CACNA1B: variants seen among roughly 807,000 people sequenced by gnomAD.
The protein encoded by CACNA1B is voltage-dependent N-type calcium channel subunit alpha-1B.
CACNA1B carries 70 observed loss-of-function variants against 247.2 expected under a neutral mutation model. That is an observed-to-expected ratio of 0.28 (90% CI 0.23 to 0.35). CACNA1B has a LOEUF of 0.35. Ranked by LOEUF, CACNA1B falls within the 10% of genes least tolerant of loss-of-function variation. The pLI is 1.00. For missense variants in CACNA1B, 2,367 were observed against 3,197.4 expected (o/e 0.74, Z 6.26); for synonymous variants, 1,231 against 1,294.4 (o/e 0.95, Z 1.05).
chr9:138,102,876 C>T lies in CACNA1B; in HGVS notation c.5319+69C>T, dbSNP rs1961299462. ...GCTTGCTGAGGGGTGCTTGCTGGCT[C>T]TCCCAGCTCCTCTCCCTTTCAGGGT... On this transcript the variant is annotated intron_variant, in intron 38 of 46. Coordinates refer to ENST00000371372, the MANE Select transcript of CACNA1B (RefSeq NM_000718.4). This position sits in a 1 kb window ranked among gnomAD's most constrained non-coding sequence, Gnocchi z 5.4. 5 of 908,032 alleles carry T rather than the reference C, an allele frequency of 5.5e-6. No homozygotes were observed. Among genetic ancestry groups the T allele is most frequent in the Non-Finnish European group, 8.6e-6 (5 of 579,462 alleles). The allele number at this position is 908,032 out of a possible 1,614,324, so 56.2% of individuals were successfully genotyped here.
At chr9:138,076,600 G>A (rs1260139617) in intron 35 of CACNA1B, among the ~76,000 whole-genome samples, 1 of 152,208 alleles carries the variant, frequency 6.6e-6, no homozygotes, top group Admixed American at 6.5e-5. Context: ...CTCAGCATCA[G>A]CTGCTGTTCC....
chr9:137,988,572 TA>T lies in CACNA1B; in HGVS notation c.1974+1726del, dbSNP rs1037670526. Among the ~76,000 whole-genome samples the T allele has an allele frequency of 8.8e-4, 133 of 151,146 alleles. 2 individuals are homozygous for T. The highest frequency in any genetic ancestry group is 2.8e-3 in the African/African-American group (116 of 41,006). ...CCCTGCTCTGAACACAGCAATAAGA[TA>T]AAAAAAATACACTTAGAAAATAAAA... is the stretch of plus-strand genomic sequence containing the variant. On this transcript the variant is annotated intron_variant, in intron 15 of 46. Transcript: ENST00000371372.
At chr9:137,958,183 T>C (rs1957971759) in intron 10 of CACNA1B, among the ~76,000 whole-genome samples, 1 of 152,196 alleles carries the variant, frequency 6.6e-6, no homozygotes, top group South Asian at 2.1e-4. Flanking sequence ...ACCATTATAT[T>C]GTTACATGTA....
At chr9:137,924,735 A>G (rs1957531009) in intron 6 of CACNA1B, among the ~76,000 whole-genome samples, 1 of 152,374 alleles carries the variant, frequency 6.6e-6, no homozygotes, top group African/African-American at 2.4e-5. Flanking sequence ...TTTTCAGCAT[A>G]CAATATACAT....
At position 138,057,384 on chromosome 9, in the gene CACNA1B, T is replaced by G. The variant is rs879289407; in HGVS notation, c.3969-348T>G. On this transcript the variant is annotated intron_variant, in intron 26 of 46. Coordinates refer to ENST00000371372, the MANE Select transcript of CACNA1B (RefSeq NM_000718.4). The surrounding 1 kb of genome is among the most constrained non-coding windows in gnomAD (Gnocchi z 4.0). ...CTGAGCACAGAAGTGTCCGATTTGA[T>G]GCGGCCTGATTTATCTGTATTTTTT... 1.3e-5 allele frequency among the ~76,000 whole-genome samples: 2 copies of G among 152,238 alleles called. No homozygotes were observed. The highest frequency in any genetic ancestry group is 2.9e-5 in the Non-Finnish European group (2 of 68,048).
chr9:138,120,730 A>G lies in CACNA1B; in HGVS notation c.6338A>G (p.Glu2113Gly). ...ERRQERGRSQ[E>G]RRQPSSSSSE... ...CGGCAGGAGCGGGGCCGGTCCCAGG[A>G]GCGGAGGCAGCCCTCATCCTCCTCC... is the stretch of plus-strand genomic sequence containing the variant. The change falls in exon 46 of 47, where the codon GAG becomes GGG. Residue 2113 changes from glutamate (E) to glycine (G), a missense_variant. Coordinates refer to ENST00000371372, the MANE Select transcript of CACNA1B (RefSeq NM_000718.4). 2 of 1,540,090 alleles carry G rather than the reference A, an allele frequency of 1.3e-6. No homozygotes were observed. Among genetic ancestry groups the G allele is most frequent in the Non-Finnish European group, 1.7e-6 (2 of 1,144,720 alleles).
intron 20 of CACNA1B, among the ~76,000 whole-genome samples, chr9:138,027,579 T>C (rs1489622535): frequency 6.6e-6 from 1 of 152,188 alleles, no homozygotes; most frequent in Non-Finnish European, 1.5e-5. Context: ...GGGATGTGTG[T>C]GTGTGTCTGT....
intron 20 of CACNA1B, among the ~76,000 whole-genome samples, chr9:138,029,175 T>C (rs535546328): frequency 5.1e-4 from 77 of 152,374 alleles, no homozygotes; most frequent in African/African-American, 1.8e-3. Flanking sequence ...ATGGGCATTA[T>C]AAAACTTGGC....
intron 15 of CACNA1B, among the ~76,000 whole-genome samples, chr9:137,992,969 A>T (rs1047113294): frequency 2.0e-5 from 3 of 152,218 alleles, no homozygotes; most frequent in Non-Finnish European, 4.4e-5. Context: ...GCAAATTTAA[A>T]AAAATCTTTG....
intron 36 of CACNA1B, among the ~76,000 whole-genome samples, chr9:138,083,539 C>G (rs2131326144): frequency 6.6e-6 from 1 of 150,898 alleles, no homozygotes; most frequent in East Asian, 2.1e-4. Context: ...GTCACATCCC[C>G]CAAGCCTGAG....
At chr9:138,009,871 G>A (rs1406528817) in intron 16 of CACNA1B, 139 bp from the exon 17 acceptor site, 5 of 659,304 alleles carry the variant, frequency 7.6e-6, no homozygotes, top group Admixed American at 2.3e-5. Context: ...AGTGTGTCTG[G>A]GGATGGGGCC....
chr9:138,051,210 G>A lies in CACNA1B; in HGVS notation c.3711-882G>A, dbSNP rs536611653. 1.1e-4 allele frequency among the ~76,000 whole-genome samples: 16 copies of A among 152,200 alleles called. No homozygotes were observed. The highest frequency in any genetic ancestry group is 1.9e-4 in the East Asian group (1 of 5,140). On this transcript the variant is annotated intron_variant, in intron 24 of 46. Coordinates refer to ENST00000371372, the MANE Select transcript of CACNA1B (RefSeq NM_000718.4). This position sits in a 1 kb window ranked among gnomAD's most constrained non-coding sequence, Gnocchi z 4.3. Reference sequence around the variant, plus strand: ...CTGCTGGCCCGGCCTCAGTAGGGTCGTGGGAGGTCCAGTCCCCAGAACCTG... The same window carrying A: ...CTGCTGGCCCGGCCTCAGTAGGGTCATGGGAGGTCCAGTCCCCAGAACCTG...
chr9:137,931,575 G>T (rs904618651), intron 6 of CACNA1B, among the ~76,000 whole-genome samples: 2 of 152,040 alleles, frequency 1.3e-5, no homozygotes, highest in African/African-American at 4.8e-5. Context: ...CCCGAGATGT[G>T]ATCCCCATCA....
In CACNA1B at chr9:137,882,675, C is replaced by A; in HGVS notation, c.391-69C>A. The A allele has an allele frequency of 6.3e-7, 1 of 1,591,132 alleles. No homozygotes were observed. The highest frequency in any genetic ancestry group is 1.1e-5 in the South Asian group (1 of 89,250). On this transcript the variant is annotated intron_variant, in intron 2 of 46. Coordinates refer to ENST00000371372, the MANE Select transcript of CACNA1B (RefSeq NM_000718.4). This position sits in a 1 kb window ranked among gnomAD's most constrained non-coding sequence, Gnocchi z 4.0. ...TGCACATGGTGGGGTGGGGTCCTCA[C>A]CAACCGTCTCTGCCCGCTACTACAC...
At chr9:137,892,400 C>T (rs532381827) in intron 3 of CACNA1B, 28 of 454,552 alleles carry the variant, frequency 6.2e-5, no homozygotes, top group South Asian at 3.9e-4. Flanking sequence ...GCCAGGCCTG[C>T]GGGGTCCACT....
At chr9:137,949,233 GTGTATGCAT>G (rs1957845840) in intron 6 of CACNA1B, among the ~76,000 whole-genome samples, 3 of 14,856 alleles carry the variant, frequency 2.0e-4, no homozygotes, top group South Asian at 3.6e-3. Flanking sequence ...TGTGTGTGTG[GTGTATGCAT>G]GTGTGTGGTG....
intron 20 of CACNA1B, among the ~76,000 whole-genome samples, chr9:138,027,707 T>C (rs1201688106): frequency 6.6e-6 from 1 of 152,226 alleles, no homozygotes; most frequent in Admixed American, 6.5e-5. Flanking sequence ...AGAGATCATA[T>C]ATTTTTTTCT....
At chr9:138,069,703 C>G in intron 31 of CACNA1B, 55 bp from the exon 32 acceptor site, 1 of 1,481,448 alleles carries the variant, frequency 6.8e-7, no homozygotes, top group Non-Finnish European at 9.4e-7. Flanking sequence ...CTGCTCAAAC[C>G]TCCCCAATTT....
At chr9:138,008,054 GT>G (rs1958676218) in intron 16 of CACNA1B, among the ~76,000 whole-genome samples, 2 of 152,214 alleles carry the variant, frequency 1.3e-5, no homozygotes. Flanking sequence ...GGTCCCCAGA[GT>G]GGGGGATCCA....
Sources: allele counts gnomAD v4.1 joint callset (sites outside exome capture counted in the v4.1 genomes callset), GRCh38; gene constraint gnomAD v4.1.1; non-coding constraint Gnocchi (gnomAD v3.1); transcripts MANE v1.5; gene names NCBI Gene and HGNC (gene_info 2026-07-23, HGNC 2026-07-21).